The following GABRG3 variants were observed in gnomAD, a reference collection of about 807,000 sequenced individuals.
GABRG3 encodes the protein gamma-aminobutyric acid receptor subunit gamma-3.
A neutral mutation model predicts 48.8 loss-of-function variants in GABRG3; 25 were observed. The observed-to-expected ratio is 0.51, with a 90% CI of 0.37 to 0.72. GABRG3 has a LOEUF of 0.72. Among genes scored for constraint, GABRG3 ranks in the 30% least tolerant of loss-of-function variants. The pLI is 0.00. For missense variants in GABRG3, 394 were observed against 577.9 expected (o/e 0.68, Z 3.26); for synonymous variants, 227 against 217.6 (o/e 1.04, Z -0.38).
intron 2 of GABRG3, among the ~76,000 whole-genome samples, chr15:26,987,040 G>A (rs1265550838): frequency 6.6e-6 from 1 of 152,184 alleles, no homozygotes; most frequent in Non-Finnish European, 1.5e-5. Context: ...GGCGGATCAC[G>A]AGGTCAGGAG....
rs1380797242 is a variant in GABRG3, at chr15:27,352,439, C to T, written c.574+23551C>T. On this transcript the variant is annotated intron_variant, in intron 5 of 9. Transcript: ENST00000615808. This position sits in a 1 kb window ranked among gnomAD's most constrained non-coding sequence, Gnocchi z 4.0. ...CAGGAAATCCCACAAGATGTAAATC[C>T]AGGGTGAGCCAAGCAGATTGATAGT... Among the ~76,000 whole-genome samples, 3 of 151,904 alleles carry T rather than the reference C, an allele frequency of 2.0e-5. No homozygotes were observed. Among genetic ancestry groups the T allele is most frequent in the African/African-American group, 4.8e-5 (2 of 41,284 alleles).
rs117335036 is a variant in GABRG3, at chr15:27,023,301, G to A, written c.203-3453G>A. Among the ~76,000 whole-genome samples, 28 of 152,086 alleles carry A rather than the reference G, an allele frequency of 1.8e-4. No individual in the cohort carries two copies. The East Asian group carries it at 5.2e-3, about 28-fold the overall frequency. ...TTGGCTACATAGGGCTTATTATATT[G>A]TAGTAAAATACACATAACATGAAAT... On this transcript the variant is annotated intron_variant, in intron 2 of 9. Transcript: ENST00000615808.
chr15:27,367,992 T>G (rs192222051), intron 5 of GABRG3, among the ~76,000 whole-genome samples: 2 of 152,162 alleles, frequency 1.3e-5, no homozygotes, highest in African/African-American at 4.8e-5. Context: ...GCTGTTCTTA[T>G]CTCCCCTTCA....
At chr15:27,234,084 A>G (rs891489478) in intron 3 of GABRG3, among the ~76,000 whole-genome samples, 1 of 152,244 alleles carries the variant, frequency 6.6e-6, no homozygotes, top group African/African-American at 2.4e-5. Context: ...AAGGAGATTA[A>G]AAAATAAGGA....
chr15:27,171,507 C>CATATATATATATATAT (rs57913193), intron 3 of GABRG3, among the ~76,000 whole-genome samples: 54 of 144,346 alleles, frequency 3.7e-4, no homozygotes, highest in Non-Finnish European at 5.0e-4. Context: ...GCATGTCTAA[C>CATATATATATATATAT]ATATATATAT....
At chr15:27,347,277 G>C (rs1894406118) in intron 5 of GABRG3, among the ~76,000 whole-genome samples, 2 of 152,206 alleles carry the variant, frequency 1.3e-5, no homozygotes, top group Non-Finnish European at 2.9e-5. Context: ...GGCTGTGATG[G>C]TTTAGGGTGG....
intron 3 of GABRG3, among the ~76,000 whole-genome samples, chr15:27,286,862 C>G (rs1891630467): frequency 6.6e-6 from 1 of 152,128 alleles, no homozygotes; most frequent in Non-Finnish European, 1.5e-5. Flanking sequence ...AGTCTTAGTT[C>G]CACGCCTGCT....
chr15:27,408,439 T>C (rs889418353), intron 5 of GABRG3, among the ~76,000 whole-genome samples: 5 of 152,164 alleles, frequency 3.3e-5, no homozygotes, highest in Non-Finnish European at 5.9e-5. Flanking sequence ...AAACCAGGTC[T>C]CAAAATCCCT....
intron 5 of GABRG3, among the ~76,000 whole-genome samples, chr15:27,472,375 A>C (rs1889813105): frequency 6.6e-6 from 1 of 152,122 alleles, no homozygotes; most frequent in African/African-American, 2.4e-5. Context: ...TCCCGGGTTC[A>C]AGCGATTCTC....
At chr15:27,481,335 G>A (rs994161545) in intron 6 of GABRG3, 44 of 824,546 alleles carry the variant, frequency 5.3e-5, no homozygotes, top group Non-Finnish European at 6.4e-5. Flanking sequence ...TTCTGCCTAT[G>A]AATATATGTG....
chr15:27,313,196 GTA>G (rs201133227), intron 3 of GABRG3, among the ~76,000 whole-genome samples: 2,322 of 127,654 alleles, frequency 0.018, 106 homozygotes, highest in African/African-American at 0.06. Flanking sequence ...ATATATATGT[GTA>G]TATATATATA....
At chr15:27,089,039 C>T (rs1040883238) in intron 3 of GABRG3, among the ~76,000 whole-genome samples, 17 of 152,040 alleles carry the variant, frequency 1.1e-4, no homozygotes, top group African/African-American at 4.1e-4. Context: ...CTGAGCAGGG[C>T]GTCTGAGAGC....
chr15:27,233,541 G>A (rs961946308), intron 3 of GABRG3, among the ~76,000 whole-genome samples: 3 of 152,022 alleles, frequency 2.0e-5, no homozygotes, highest in Admixed American at 6.5e-5. Flanking sequence ...CTCAGGATGC[G>A]GGCATCTCTC....
At chr15:27,118,789 G>A (rs1243162552) in intron 3 of GABRG3, among the ~76,000 whole-genome samples, 2 of 152,118 alleles carry the variant, frequency 1.3e-5, no homozygotes, top group African/African-American at 4.8e-5. Flanking sequence ...GGGTTCTTCT[G>A]TTTTCTTTAG....
At chr15:27,469,794 C>CT in intron 5 of GABRG3, among the ~76,000 whole-genome samples, 1 of 152,182 alleles carries the variant, frequency 6.6e-6, no homozygotes, top group Non-Finnish European at 1.5e-5. Context: ...TTTCTGTAAA[C>CT]AGTAGTTAAT....
chr15:27,176,858 A>G (rs1887762399), intron 3 of GABRG3, among the ~76,000 whole-genome samples: 1 of 152,132 alleles, frequency 6.6e-6, no homozygotes, highest in Non-Finnish European at 1.5e-5. Context: ...GTTTACTATT[A>G]TGTGCTGGAA....
chr15:27,275,624 T>C (rs1891226780), intron 3 of GABRG3, among the ~76,000 whole-genome samples: 1 of 152,310 alleles, frequency 6.6e-6, no homozygotes, highest in African/African-American at 2.4e-5. Flanking sequence ...TTTCTGATGG[T>C]TCCCAGTGCT....
At chr15:27,276,318 T>C (rs1304036789) in intron 3 of GABRG3, among the ~76,000 whole-genome samples, 3 of 152,218 alleles carry the variant, frequency 2.0e-5, no homozygotes. Flanking sequence ...TTAGGGAAGC[T>C]TCAGTTATTG....
intron 5 of GABRG3, among the ~76,000 whole-genome samples, chr15:27,458,961 G>A (rs1889369495): frequency 6.6e-6 from 1 of 152,172 alleles, no homozygotes; most frequent in South Asian, 2.1e-4. Context: ...TCTGGCTGTG[G>A]TGTGCCCCAT....
Sources: allele counts gnomAD v4.1 joint callset (sites outside exome capture counted in the v4.1 genomes callset), GRCh38; gene constraint gnomAD v4.1.1; non-coding constraint Gnocchi (gnomAD v3.1); transcripts MANE v1.5; gene names NCBI Gene and HGNC (gene_info 2026-07-23, HGNC 2026-07-21).